The following KLF13 variants were observed in gnomAD, a reference collection of about 807,000 sequenced individuals.
KLF13 encodes KLF transcription factor 13.
Under a neutral mutation model 16.7 loss-of-function variants are expected in KLF13, and 8 were observed. The observed-to-expected ratio is 0.48, with a 90% confidence interval of 0.28 to 0.87. KLF13 has a LOEUF of 0.87. Ranked by LOEUF, KLF13 falls within the 40% of genes least tolerant of loss-of-function variation. The pLI is 0.10. For missense variants in KLF13, 447 were observed against 452.2 expected, an observed-to-expected ratio of 0.99 and a Z score of 0.10; for synonymous variants, 245 against 208.4, an observed-to-expected ratio of 1.18 and a Z score of -1.51.
chr15:31,345,918 C>T (rs531630940), intron 1 of KLF13, among the ~76,000 whole-genome samples: 17 of 152,288 alleles, frequency 1.1e-4, no homozygotes, highest in African/African-American at 4.1e-4. Flanking sequence ...GTCTCTGTTT[C>T]CCGGAGGGTT....
At chr15:31,386,966 T>A (rs988938741) in intron 1 of KLF13, among the ~76,000 whole-genome samples, 1 of 152,218 alleles carries the variant, frequency 6.6e-6, no homozygotes, top group African/African-American at 2.4e-5. Flanking sequence ...GAAAAAAGAC[T>A]CCTTTCCGAT....
At chr15:31,431,611 C>A (rs992829076) in intron 1 of KLF13, among the ~76,000 whole-genome samples, 1 of 152,032 alleles carries the variant, frequency 6.6e-6, no homozygotes, top group Non-Finnish European at 1.5e-5. Context: ...ACTACAGGCA[C>A]CCGTCATCAT....
chr15:31,343,591 G>A (rs1010451386), intron 1 of KLF13, among the ~76,000 whole-genome samples: 3 of 152,200 alleles, frequency 2.0e-5, no homozygotes, highest in African/African-American at 4.8e-5. Flanking sequence ...CACCCATGCC[G>A]TCAGTCTCCT....
intron 1 of KLF13, among the ~76,000 whole-genome samples, chr15:31,333,562 TTTTC>T (rs1384042084): frequency 6.6e-6 from 1 of 152,230 alleles, no homozygotes; most frequent in Non-Finnish European, 1.5e-5. Flanking sequence ...CTCCTTCTCT[TTTTC>T]TTTCTAAAGA....
At chr15:31,409,850 G>A (rs184775917) in intron 1 of KLF13, among the ~76,000 whole-genome samples, 83 of 152,204 alleles carry the variant, frequency 5.5e-4, no homozygotes, top group African/African-American at 1.8e-3. Flanking sequence ...TTTTCTACTA[G>A]CAGCCCTGCA....
At chr15:31,429,327 C>T (rs1337508694) in intron 1 of KLF13, among the ~76,000 whole-genome samples, 3 of 152,072 alleles carry the variant, frequency 2.0e-5, no homozygotes. Context: ...TGAAATAAGC[C>T]AGATACAAAA....
intron 1 of KLF13, chr15:31,366,468 C>G (rs2039473337): frequency 6.6e-6 from 1 of 152,314 alleles, no homozygotes; most frequent in Non-Finnish European, 1.5e-5. Flanking sequence ...TGAGATCCGG[C>G]AGGAAGGCTA....
intron 2 of KLF13, among the ~76,000 whole-genome samples, chr15:31,396,089 G>T (rs574242509): frequency 6.6e-6 from 1 of 152,142 alleles, no homozygotes; most frequent in South Asian, 2.1e-4. Context: ...GCAATGGCGC[G>T]ATCTTGGCTC....
chr15:31,340,391 T>A (rs1430199315), intron 1 of KLF13, among the ~76,000 whole-genome samples: 1 of 152,254 alleles, frequency 6.6e-6, no homozygotes, highest in African/African-American at 2.4e-5. Context: ...TTTCCAGGTT[T>A]CCCTGTTGAA....
intron 1 of KLF13, among the ~76,000 whole-genome samples, chr15:31,360,851 G>A (rs1595471971): frequency 6.6e-6 from 1 of 152,192 alleles, no homozygotes; most frequent in East Asian, 1.9e-4. Flanking sequence ...TATTCTGCTG[G>A]AAACCTTGCC....
chr15:31,392,400 C>T (rs2039884160), upstream of KLF13, among the ~76,000 whole-genome samples: 1 of 152,188 alleles, frequency 6.6e-6, no homozygotes, highest in Admixed American at 6.5e-5. Context: ...GGGGACGGGG[C>T]GGCGGTGCTG....
At chr15:31,331,170 G>A (rs2038824953) in intron 1 of KLF13, among the ~76,000 whole-genome samples, 1 of 152,230 alleles carries the variant, frequency 6.6e-6, no homozygotes, top group Non-Finnish European at 1.5e-5. Context: ...TTTCCCTCCA[G>A]CGCTGGAGTC....
At chr15:31,371,391 T>C (rs891920889) in intron 1 of KLF13, among the ~76,000 whole-genome samples, 1 of 152,266 alleles carries the variant, frequency 6.6e-6, no homozygotes, top group African/African-American at 2.4e-5. Flanking sequence ...TGTTTCATTC[T>C]CCTGCTCTGC....
intron 1 of KLF13, among the ~76,000 whole-genome samples, chr15:31,413,369 AG>A (rs1299617985): frequency 6.6e-6 from 1 of 152,164 alleles, no homozygotes; most frequent in Non-Finnish European, 1.5e-5. Context: ...CTACTCATTC[AG>A]AAAGGTCAAT....
upstream of KLF13, among the ~76,000 whole-genome samples, chr15:31,391,885 C>G (rs556931520): frequency 2.6e-5 from 4 of 152,140 alleles, no homozygotes; most frequent in African/African-American, 9.7e-5. Context: ...AACTGCCGGC[C>G]CGGGGGAGGA....
intron 1 of KLF13, among the ~76,000 whole-genome samples, chr15:31,424,882 C>CACACACACACACAA (rs2040383123): frequency 6.9e-6 from 1 of 145,492 alleles, no homozygotes; most frequent in African/African-American, 2.8e-5. Flanking sequence ...ATTTCACACA[C>CACACACACACACAA]ACACACACAC....
chr15:31,407,865 G>GA (rs1421440411), downstream of KLF13, among the ~76,000 whole-genome samples: 21 of 152,054 alleles, frequency 1.4e-4, no homozygotes, highest in Admixed American at 6.5e-5. Flanking sequence ...TTACAGTCTT[G>GA]AAAAAATGAA....
chr15:31,342,864 G>A (rs1197076915), intron 1 of KLF13, among the ~76,000 whole-genome samples: 1 of 152,186 alleles, frequency 6.6e-6, no homozygotes, highest in Non-Finnish European at 1.5e-5. Flanking sequence ...CTTCCTGTGA[G>A]TGTATTTTGT....
At chr15:31,392,185 C>T (rs1221010426), upstream of KLF13, among the ~76,000 whole-genome samples, 2 of 152,220 alleles carry the variant, frequency 1.3e-5, no homozygotes, top group Admixed American at 6.5e-5. Context: ...CTGCGATTCC[C>T]CCAGCCCACG....
Sources: allele counts gnomAD v4.1 joint callset (sites outside exome capture counted in the v4.1 genomes callset), GRCh38; gene constraint gnomAD v4.1.1; transcripts MANE v1.5; gene names NCBI Gene and HGNC (gene_info 2026-07-23, HGNC 2026-07-21).